Variants in DOCK4 observed in about 807,000 individuals in gnomAD.
The protein encoded by DOCK4 is dedicator of cytokinesis 4.
A neutral mutation model predicts 268.1 loss-of-function variants in DOCK4; 97 were observed. The ratio of observed to expected loss-of-function variants is 0.36; its 90% CI spans 0.31 to 0.43. The LOEUF is 0.43. Among genes scored for constraint, DOCK4 ranks in the 20% least tolerant of loss-of-function variants. DOCK4 has a pLI of 1.00. For synonymous variants in DOCK4, 954 were observed against 887.2 expected, an observed-to-expected ratio of 1.08 and a Z score of -1.34; for missense variants, 2,145 against 2,455.7, an observed-to-expected ratio of 0.87 and a Z score of 2.67.
intron 25 of DOCK4, among the ~76,000 whole-genome samples, chr7:111,842,590 G>C (rs76909889): frequency 0.015 from 2,229 of 152,284 alleles, 47 homozygotes; most frequent in East Asian, 0.068. Flanking sequence ...CAGGGAGCAG[G>C]TACTTTCATA....
At chr7:111,870,859 A>G (rs1185005637) in intron 20 of DOCK4, among the ~76,000 whole-genome samples, 1 of 152,188 alleles carries the variant, frequency 6.6e-6, no homozygotes, top group Admixed American at 6.5e-5. Flanking sequence ...TCTAGCTTCC[A>G]AAGACAATTT....
At chr7:112,134,735 C>G (rs985810811) in intron 1 of DOCK4, among the ~76,000 whole-genome samples, 5 of 151,948 alleles carry the variant, frequency 3.3e-5, no homozygotes, top group Non-Finnish European at 5.9e-5. Context: ...AAGAAAGAAA[C>G]AAACAAACTT....
At chr7:111,853,410 T>G (rs1804742782) in intron 23 of DOCK4, among the ~76,000 whole-genome samples, 1 of 152,196 alleles carries the variant, frequency 6.6e-6, no homozygotes, top group Admixed American at 6.5e-5. Context: ...CAGCTTTGCA[T>G]GTAGCAGAGC....
At chr7:112,048,505 A>G (rs932569846) in intron 1 of DOCK4, among the ~76,000 whole-genome samples, 1 of 151,696 alleles carries the variant, frequency 6.6e-6, no homozygotes, top group African/African-American at 2.4e-5. Flanking sequence ...AGAGGTTGCA[A>G]TAAGCCAAGA....
intron 1 of DOCK4, among the ~76,000 whole-genome samples, chr7:112,112,878 T>C (rs1811790596): frequency 6.6e-6 from 1 of 152,130 alleles, no homozygotes; most frequent in South Asian, 2.1e-4. Context: ...AATTGCATAT[T>C]CTATTCCAGT....
intron 1 of DOCK4, among the ~76,000 whole-genome samples, chr7:112,137,707 A>G (rs975215410): frequency 2.0e-5 from 3 of 152,158 alleles, no homozygotes; most frequent in African/African-American, 4.8e-5. Context: ...TCTCTTTTCC[A>G]TATTTGAGAA....
At chr7:111,848,929 T>G (rs1481810433) in intron 23 of DOCK4, among the ~76,000 whole-genome samples, 1 of 152,188 alleles carries the variant, frequency 6.6e-6, no homozygotes, top group Admixed American at 6.5e-5. Context: ...TCCCTTTATC[T>G]GCACAGGGCA....
intron 16 of DOCK4, among the ~76,000 whole-genome samples, chr7:111,888,126 G>C (rs948811308): frequency 6.6e-6 from 1 of 151,690 alleles, no homozygotes; most frequent in Non-Finnish European, 1.5e-5. Context: ...GGACTAGTTT[G>C]CCTGCAATGT....
intron 17 of DOCK4, among the ~76,000 whole-genome samples, chr7:111,875,351 A>G (rs1806764874): frequency 1.3e-5 from 2 of 152,324 alleles, no homozygotes; most frequent in South Asian, 4.1e-4. Context: ...TCTTATTTTC[A>G]TAATTGTGTC....
intron 12 of DOCK4, among the ~76,000 whole-genome samples, chr7:111,933,300 T>TATA (rs1562905551): frequency 1.3e-4 from 12 of 92,680 alleles, no homozygotes; most frequent in African/African-American, 2.6e-4. Flanking sequence ...ATATATATAT[T>TATA]TTTTTTTTTT....
At chr7:111,958,337 A>G (rs953163694) in intron 8 of DOCK4, among the ~76,000 whole-genome samples, 2 of 152,130 alleles carry the variant, frequency 1.3e-5, no homozygotes, top group Non-Finnish European at 2.9e-5. Flanking sequence ...TTACAACACA[A>G]ATGGCGTTGA....
intron 30 of DOCK4, among the ~76,000 whole-genome samples, chr7:111,805,426 A>G (rs1444000741): frequency 1.3e-5 from 2 of 152,210 alleles, no homozygotes; most frequent in Non-Finnish European, 2.9e-5. Context: ...CACATTTAAT[A>G]CTACAGACAA....
intron 1 of DOCK4, among the ~76,000 whole-genome samples, chr7:112,166,613 C>T (rs2729551): frequency 0.38 from 57,897 of 151,910 alleles, 12,907 homozygotes; most frequent in East Asian, 0.68. Context: ...AAATTTAAAC[C>T]TCAATTCTCT....
intron 8 of DOCK4, among the ~76,000 whole-genome samples, chr7:111,948,021 C>A (rs1394432972): frequency 6.6e-6 from 1 of 152,056 alleles, no homozygotes; most frequent in African/African-American, 2.4e-5. Flanking sequence ...GGCTACCAGG[C>A]CTGGACTATT....
At position 111,727,792 on chromosome 7, in the gene DOCK4, A is replaced by T. The variant is rs1205789773; in HGVS notation, c.*482T>A. The T allele has an allele frequency of 6.5e-6, 1 of 152,786 alleles. No individual in the cohort carries two copies. Among genetic ancestry groups the T allele is most frequent in the African/African-American group, 2.4e-5 (1 of 41,472 alleles). The allele number at this position is 152,786 out of a possible 1,614,324, so 9.5% of individuals were successfully genotyped here. On this transcript the variant is annotated 3_prime_UTR_variant, in exon 53 of 53. Transcript: ENST00000428084. ...GTATACTGTCTTGCTCGCCTGCTTGAACTTTAATTCTGATGATCTGCACTG... is the reference window on the plus strand; with the variant it reads ...GTATACTGTCTTGCTCGCCTGCTTGTACTTTAATTCTGATGATCTGCACTG...
intron 1 of DOCK4, among the ~76,000 whole-genome samples, chr7:112,100,299 T>A (rs748115868): frequency 1.3e-5 from 2 of 152,230 alleles, no homozygotes; most frequent in African/African-American, 4.8e-5. Context: ...TGTTTTGAGA[T>A]CTCTGGCACT....
At chr7:111,929,592 T>TATAAATA (rs1394439067) in intron 12 of DOCK4, among the ~76,000 whole-genome samples, 1 of 152,226 alleles carries the variant, frequency 6.6e-6, no homozygotes, top group Non-Finnish European at 1.5e-5. Context: ...ATAAAATGAC[T>TATAAATA]ACATTGGTAT....
intron 43 of DOCK4, 151 bp downstream of exon 43, chr7:111,747,116 G>C: frequency 1.7e-6 from 1 of 605,570 alleles, no homozygotes; most frequent in Non-Finnish European, 2.7e-6. Context: ...ACAAATGACT[G>C]TATGTTTGCT....
intron 23 of DOCK4, among the ~76,000 whole-genome samples, chr7:111,856,234 GA>G (rs1805000783): frequency 6.6e-6 from 1 of 152,194 alleles, no homozygotes; most frequent in Non-Finnish European, 1.5e-5. Flanking sequence ...TCCGCATTGA[GA>G]AGTTCAGAAA....
Sources: allele counts gnomAD v4.1 joint callset (sites outside exome capture counted in the v4.1 genomes callset), GRCh38; gene constraint gnomAD v4.1.1; transcripts MANE v1.5; gene names NCBI Gene and HGNC (gene_info 2026-07-23, HGNC 2026-07-21).